Variants in NFATC2 observed in about 807,000 individuals in gnomAD.
NFATC2 encodes the protein nuclear factor of activated T-cells, cytoplasmic 2.
A neutral mutation model predicts 87.3 loss-of-function variants in NFATC2; 22 were observed. The observed-to-expected ratio is 0.25, with a 90% confidence interval of 0.18 to 0.36. NFATC2 has a LOEUF of 0.36. Ranked by LOEUF, NFATC2 falls within the 10% of genes least tolerant of loss-of-function variation. NFATC2 has a pLI of 1.00. For synonymous variants in NFATC2, 565 were observed against 542.2 expected (o/e 1.04, Z -0.58); for missense variants, 1,149 against 1,259.1 (o/e 0.91, Z 1.32).
intron 9 of NFATC2, among the ~76,000 whole-genome samples, chr20:51,413,469 C>A (rs1040064011): frequency 3.9e-5 from 6 of 152,010 alleles, no homozygotes; most frequent in African/African-American, 1.5e-4. Flanking sequence ...TTCAAAAAAA[C>A]CTAAAGAGGC....
At chr20:51,548,067 C>T (rs1218983033) in intron 1 of NFATC2, among the ~76,000 whole-genome samples, 1 of 152,146 alleles carries the variant, frequency 6.6e-6, no homozygotes, top group African/African-American at 2.4e-5. Flanking sequence ...GTCTGCAAGG[C>T]CCTACGTAAG....
intron 5 of NFATC2, among the ~76,000 whole-genome samples, chr20:51,462,324 T>C (rs1439188598): frequency 6.8e-6 from 1 of 146,114 alleles, no homozygotes; most frequent in Admixed American, 6.8e-5. Flanking sequence ...CACGCACCTG[T>C]AATCCCAGCT....
chr20:51,420,221 G>A (rs1980680168), intron 9 of NFATC2, among the ~76,000 whole-genome samples: 1 of 152,168 alleles, frequency 6.6e-6, no homozygotes, highest in African/African-American at 2.4e-5. Context: ...GGAAGGGATG[G>A]CAGAATTAGA....
chr20:51,514,560 T>C (rs1465859381), intron 3 of NFATC2, among the ~76,000 whole-genome samples: 3 of 152,142 alleles, frequency 2.0e-5, no homozygotes. Flanking sequence ...GAAAGGTGCA[T>C]GGAGCTGTGG....
intron 1 of NFATC2, among the ~76,000 whole-genome samples, chr20:51,559,986 T>C (rs931676904): frequency 6.6e-6 from 1 of 152,246 alleles, no homozygotes; most frequent in Non-Finnish European, 1.5e-5. Context: ...ATCTGTGTCA[T>C]TATAAAGTTC....
intron 3 of NFATC2, among the ~76,000 whole-genome samples, chr20:51,481,253 A>T (rs757752999): frequency 2.0e-5 from 3 of 152,110 alleles, no homozygotes; most frequent in Admixed American, 6.5e-5. Context: ...ATAGAACTTG[A>T]TGTTTTGAGA....
Position 51,398,288 on chromosome 20 carries a change from A to G in NFATC2, c.*44+355T>C, listed in dbSNP as rs528873605. 9.9e-4 allele frequency among the ~76,000 whole-genome samples: 150 copies of G among 152,168 alleles called. 3 individuals carry two copies. In the Middle Eastern group the frequency reaches 0.02, roughly 21 times the overall value. ...TGTTCCCCAGTGCCGGACACCCACC[A>G]CGGATGGAGAGCCTCATTTAACTGG... is the stretch of plus-strand genomic sequence containing the variant. On this transcript the variant is annotated intron_variant, in intron 10 of 10. Coordinates refer to ENST00000371564, the MANE Select transcript of NFATC2 (RefSeq NM_012340.5).
upstream of NFATC2, among the ~76,000 whole-genome samples, chr20:51,544,195 G>A (rs1445440185): frequency 4.6e-5 from 7 of 151,794 alleles, no homozygotes; most frequent in Non-Finnish European, 1.0e-4. Flanking sequence ...CACTGTGTTA[G>A]CCAGGAAGGT....
rs948542561 is a variant in NFATC2 at position 51,389,742 on chromosome 20, C to G, written c.*1754G>C. 6.6e-6 allele frequency: 1 copy of G among 152,156 alleles called. No homozygotes were observed. Among genetic ancestry groups the G allele is most frequent in the African/African-American group, 2.4e-5 (1 of 41,426 alleles). 9.4% of individuals were successfully genotyped at this position (152,156 alleles called of 1,614,324 possible). ...CTTCTATCTGGAGTGCCAAACACAC[C>G]TGGCCCCACTCCCAGGAAGCTTTTA... is the stretch of plus-strand genomic sequence containing the variant. On this transcript the variant is annotated 3_prime_UTR_variant, in exon 11 of 11. Coordinates refer to ENST00000371564, the MANE Select transcript of NFATC2 (RefSeq NM_012340.5).
At position 51,432,521 on chromosome 20, in the gene NFATC2, C is replaced by T. The variant is rs1424251886; in HGVS notation, c.2268G>A (p.Lys756=). 6.4e-7 allele frequency: 1 copy of T among 1,556,458 alleles called. No individual in the cohort carries two copies. The highest frequency in any genetic ancestry group is 2.3e-5 in the East Asian group (1 of 44,398). Residue 756 remains lysine, a synonymous_variant, in exon 9 of 11, where the codon AAG becomes AAA. Transcript: ENST00000371564. The surrounding 1 kb of genome is among the most constrained non-coding windows in gnomAD (Gnocchi z 4.6). ...NPAAVLYQRS[K]SLSPSLLGYQ... The stretch of plus-strand genomic sequence containing the variant: ...AGCCCAGCAGGCTGGGGCTCAGGCT[C>T]TTGCTCCGCTGGTAGAGTACGGCCG...
intron 5 of NFATC2, among the ~76,000 whole-genome samples, chr20:51,472,001 C>T (rs944197019): frequency 6.6e-6 from 1 of 152,172 alleles, no homozygotes. Context: ...ACCTGCGATC[C>T]CAGCACTTTG....
intron 9 of NFATC2, among the ~76,000 whole-genome samples, chr20:51,412,480 G>C (rs1259316399): frequency 6.6e-6 from 1 of 152,034 alleles, no homozygotes; most frequent in Non-Finnish European, 1.5e-5. Flanking sequence ...TCCAGTTCCT[G>C]GGCTGAGGCA....
chr20:51,391,314 C>T lies in NFATC2; in HGVS notation c.*182G>A, dbSNP rs750860885. ...TGTGGACTCCGGGCTGGGAGATGAA[C>T]ATGAAAGGAGACAGAAGGTGAGGGG... On this transcript the variant is annotated 3_prime_UTR_variant, in exon 11 of 11. Transcript: ENST00000371564. 3.4e-6 allele frequency: 5 copies of T among 1,449,790 alleles called. No homozygotes were observed. The highest frequency in any genetic ancestry group is 2.8e-5 in the African/African-American group (2 of 70,982). The allele number at this position is 1,449,790 out of a possible 1,614,324, so 89.8% of individuals were successfully genotyped here.
chr20:51,493,520 C>A (rs940512611), intron 3 of NFATC2, among the ~76,000 whole-genome samples: 1 of 152,150 alleles, frequency 6.6e-6, no homozygotes, highest in Non-Finnish European at 1.5e-5. Flanking sequence ...AGTGAATCTA[C>A]GATAAAAGAA....
At chr20:51,520,235 C>T (rs2076421923) in intron 2 of NFATC2, among the ~76,000 whole-genome samples, 1 of 152,202 alleles carries the variant, frequency 6.6e-6, no homozygotes, top group Non-Finnish European at 1.5e-5. Flanking sequence ...AGCAGTGTCC[C>T]TCCCTATTCT....
chr20:51,503,064 A>G lies in NFATC2; in HGVS notation c.1332+13720T>C, dbSNP rs571591292. 9.2e-5 allele frequency among the ~76,000 whole-genome samples: 14 copies of G among 152,338 alleles called. No homozygotes were observed. In the South Asian group the frequency reaches 1.7e-3, roughly 18 times the overall value. ...CATTATAATTCTGATAATGACGGCA[A>G]CAAAGACCACGAATACAACCTCAAG... On this transcript the variant is annotated intron_variant, in intron 3 of 10. Transcript: ENST00000371564.
At chr20:51,405,218 C>T (rs1231376533) in intron 9 of NFATC2, among the ~76,000 whole-genome samples, 1 of 152,148 alleles carries the variant, frequency 6.6e-6, no homozygotes, top group South Asian at 2.1e-4. Flanking sequence ...GACCGTAAGA[C>T]ATCCTCCTAG....
At chr20:51,485,072 T>A (rs1307691905) in intron 3 of NFATC2, among the ~76,000 whole-genome samples, 1 of 152,228 alleles carries the variant, frequency 6.6e-6, no homozygotes, top group African/African-American at 2.4e-5. Flanking sequence ...ATCTACCGCA[T>A]AGCAAGCACG....
intron 10 of NFATC2, 65 bp from the exon 11 acceptor site, chr20:51,391,516 G>T: frequency 6.6e-7 from 1 of 1,524,054 alleles, no homozygotes. Context: ...CCGAAAACAT[G>T]CATCAGGTTC....
Sources: gnomAD v4.1 joint callset for allele counts (sites outside exome capture counted in the v4.1 genomes callset) on GRCh38, gnomAD v4.1.1 for gene constraint, Gnocchi (gnomAD v3.1) non-coding constraint, MANE v1.5 for transcripts, NCBI Gene and HGNC (gene_info 2026-07-23, HGNC 2026-07-21) for gene names.